The following NRAP variants were observed in gnomAD, a reference collection of about 807,000 sequenced individuals.
The protein encoded by NRAP is nebulin-related-anchoring protein.
NRAP carries 189 observed loss-of-function variants against 225.9 expected under a neutral mutation model. The observed-to-expected ratio is 0.84, with a 90% CI of 0.74 to 0.94. NRAP has a LOEUF of 0.94. Ranked by LOEUF, NRAP falls within the 40% of genes least tolerant of loss-of-function variation. The pLI, the probability that NRAP is intolerant of heterozygous loss-of-function variation, is 0.00. For missense variants in NRAP, 2,176 were observed against 2,168.7 expected (o/e 1.00, Z -0.07); for synonymous variants, 769 against 790.7 (o/e 0.97, Z 0.46).
intron 38 of NRAP, among the ~76,000 whole-genome samples, chr10:113,593,744 G>C (rs1323258734): frequency 1.3e-5 from 2 of 152,204 alleles, no homozygotes; most frequent in Non-Finnish European, 2.9e-5. Context: ...GTAGCAAATA[G>C]AGTCAAAACC....
At chr10:113,599,961 T>A (rs1411478801) in intron 35 of NRAP, among the ~76,000 whole-genome samples, 1 of 152,194 alleles carries the variant, frequency 6.6e-6, no homozygotes, top group African/African-American at 2.4e-5. Context: ...ATGCTCAAGC[T>A]GCAGCTTTCA....
intron 23 of NRAP, 71 bp downstream of exon 23, chr10:113,623,458 A>T: frequency 1.1e-6 from 1 of 934,542 alleles, no homozygotes; most frequent in Non-Finnish European, 1.7e-6. Context: ...CTGCCCAGAC[A>T]CTCAGAGAAT....
rs1441847438 is a variant in NRAP, at chr10:113,592,245, C to T, written c.4593G>A (p.Leu1531=). 4.3e-6 allele frequency: 7 copies of T among 1,612,658 alleles called. No homozygotes were observed. In the East Asian group the frequency reaches 6.7e-5, roughly 15 times the overall value. ...QTRAGSYDFR[L]DAIPFQTARA... is the part of the protein sequence containing the mutation. ...GGGCAGTCTGGAAGGGGATGGCATC[C>T]AGCCTGAAGTCATAACTGCCAGCCC... is the stretch of plus-strand genomic sequence containing the variant. Residue 1531 remains leucine, a synonymous_variant, in exon 39 of 42, where the codon CTG becomes CTA. Transcript: ENST00000359988.
intron 14 of NRAP, among the ~76,000 whole-genome samples, chr10:113,635,272 G>A (rs1325802832): frequency 6.6e-6 from 1 of 152,218 alleles, no homozygotes; most frequent in East Asian, 1.9e-4. Flanking sequence ...GTGAAGTAAA[G>A]GAACAGGTTT....
chr10:113,611,836 C>T (rs1051414294), intron 30 of NRAP, among the ~76,000 whole-genome samples: 1 of 152,186 alleles, frequency 6.6e-6, no homozygotes, highest in Non-Finnish European at 1.5e-5. Context: ...CAACCATGAA[C>T]CTTGAGGGCA....
chr10:113,616,860 C>T (rs1847693772), intron 26 of NRAP, among the ~76,000 whole-genome samples: 1 of 151,992 alleles, frequency 6.6e-6, no homozygotes, highest in African/African-American at 2.4e-5. Flanking sequence ...TGTTTTTTTT[C>T]AGCACCTCAT....
Position 113,589,084 on chromosome 10 carries a change from T to C in NRAP, c.5089-5A>G, listed in dbSNP as rs375706125. 1 of 1,612,986 alleles carries C rather than the reference T, an allele frequency of 6.2e-7. No individual in the cohort carries two copies. On this transcript the variant is annotated splice_polypyrimidine_tract_variant and splice_region_variant and intron_variant, in intron 41 of 41. Transcript: ENST00000359988. ...CTCCACTGCTTCTGCCCCCCGCTGC[T>C]GAAATCAAACATACCCCAAGTTAAA...
chr10:113,593,202 G>A (rs1846094476), intron 38 of NRAP, among the ~76,000 whole-genome samples: 1 of 152,196 alleles, frequency 6.6e-6, no homozygotes, highest in East Asian at 1.9e-4. Context: ...AGACCGTGTC[G>A]GTTGCTCACT....
At chr10:113,589,946 T>C (rs1430316110) in intron 40 of NRAP, 149 bp from the exon 41 acceptor site, 11 of 884,198 alleles carry the variant, frequency 1.2e-5, no homozygotes, top group Non-Finnish European at 1.7e-5. Context: ...AAATTTATCA[T>C]AAGCAGCATC....
Position 113,595,690 on chromosome 10 carries a change from C to T in NRAP, c.4469G>A (p.Arg1490Lys). Residue 1490 changes from arginine (R) to lysine (K), a missense_variant, in exon 38 of 42, where the codon AGA (arginine) becomes AAA (lysine). By Grantham distance (26) the Arg-to-Lys change is conservative (BLOSUM62 2). Transcript: ENST00000359988. ...YRSGDAESLH[R>K]YTLIPDHPDF... is the part of the protein sequence containing the mutation. ...GGGATGGTCGGGGATCAGGGTGTAT[C>T]TGTGCAGGGATTCTGCATCTCCAGA... 6.2e-7 allele frequency: 1 copy of T among 1,613,878 alleles called. No individual in the cohort carries two copies. The highest frequency in any genetic ancestry group is 8.5e-7 in the Non-Finnish European group (1 of 1,179,758).
chr10:113,597,372 CA>C lies in NRAP; in HGVS notation c.4333-189del, dbSNP rs113389465. Among the ~76,000 whole-genome samples the C allele has an allele frequency of 0.25, 38,681 of 151,942 alleles. 5,131 individuals carry two copies. Among genetic ancestry groups the C allele is most frequent in the East Asian group, 0.43 (2,202 of 5,146 alleles). On this transcript the variant is annotated intron_variant, in intron 36 of 41. Coordinates refer to ENST00000359988, the MANE Select transcript of NRAP (RefSeq NM_198060.4). ...ATTCAGCTGCTTCTGTGATATGGAA[CA>C]TTTTACAGGTATTTACTCTCTTGAA...
chr10:113,647,118 C>T, intron 9 of NRAP, 91 bp from the exon 10 acceptor site: 1 of 819,740 alleles, frequency 1.2e-6, no homozygotes, highest in Non-Finnish European at 2.2e-6. Flanking sequence ...CCTATTCTCA[C>T]AGAGGTTCAT....
intron 25 of NRAP, among the ~76,000 whole-genome samples, chr10:113,618,721 G>A (rs770037195): frequency 6.6e-6 from 1 of 152,190 alleles, no homozygotes; most frequent in Non-Finnish European, 1.5e-5. Flanking sequence ...TGAGGAGGGC[G>A]AATCACCTGA....
In NRAP at chr10:113,653,026, T is replaced by G. The variant is rs148679332; in HGVS notation, c.479A>C (p.Asp160Ala). The G allele has an allele frequency of 1.7e-4, 265 of 1,600,426 alleles. 1 individual carries two copies. The East Asian group carries it at 5.0e-3, about 30-fold the overall frequency. Residue 160 changes from aspartate (D) to alanine (A), a missense_variant, in exon 6 of 42, where the codon GAC becomes GCC. This residue lies in a region of NRAP where 1,708 missense variants were observed against 1,695.5 expected (regional missense o/e 1.01). Transcript: ENST00000359988. ...CCCCTTGCCCCTGGGTTGCTCATAG[T>G]CTTCTGTATATTCCTGTTGGTCAGA... ...RKSLGEEYTE[D>A]YEQPRGKGSF...
At chr10:113,660,100 T>TAC (rs1850571282) in intron 3 of NRAP, among the ~76,000 whole-genome samples, 4 of 149,996 alleles carry the variant, frequency 2.7e-5, no homozygotes, top group African/African-American at 9.8e-5. Flanking sequence ...TATACACATA[T>TAC]ATACATACAT....
chr10:113,659,073 T>C (rs1296475781), intron 3 of NRAP, among the ~76,000 whole-genome samples: 1 of 152,156 alleles, frequency 6.6e-6, no homozygotes, highest in Non-Finnish European at 1.5e-5. Flanking sequence ...TGCTACTTGA[T>C]GCATATATTT....
At chr10:113,633,617 C>T (rs537310204) in intron 15 of NRAP, among the ~76,000 whole-genome samples, 29 of 152,218 alleles carry the variant, frequency 1.9e-4, no homozygotes, top group East Asian at 1.2e-3. Flanking sequence ...TGGATGAATA[C>T]GGCATCATCC....
intron 32 of NRAP, 78 bp from the exon 33 acceptor site, chr10:113,606,360 G>C (rs74763991): frequency 3.6e-6 from 3 of 843,214 alleles, no homozygotes; most frequent in Non-Finnish European, 5.8e-6. Context: ...GTCCCTCAAC[G>C]ATAGTTGAGG....
chr10:113,631,861 C>T lies in NRAP; in HGVS notation c.1736G>A (p.Ser579Asn). The part of the protein sequence containing the change: ...LAAKASGELA[S>N]NIKYKEEYEK... ...AGTTAATGAGAGGAAACGTACATTG[C>T]TAGCAAGCTCCCCAGAGGCTTTGGC... Residue 579 changes from serine to asparagine, a missense_variant, in exon 17 of 42, where the codon AGC becomes AAC. Physicochemically the swap from Ser to Asn is conservative, Grantham distance 46. Around this residue, in one of 3 missense-constraint regions of NRAP, gnomAD observed 1,708 missense variants for 1,695.5 expected, o/e 1.01. Coordinates refer to ENST00000359988, the MANE Select transcript of NRAP (RefSeq NM_198060.4). The T allele has an allele frequency of 6.2e-7, 1 of 1,601,524 alleles. No homozygotes were observed. Among genetic ancestry groups the T allele is most frequent in the South Asian group, 1.1e-5 (1 of 90,782 alleles).
Sources: gnomAD v4.1 joint callset for allele counts (sites outside exome capture counted in the v4.1 genomes callset) on GRCh38, gnomAD v4.1.1 for gene constraint, gnomAD v4.1.1 regional missense constraint, MANE v1.5 for transcripts, NCBI Gene and HGNC (gene_info 2026-07-23, HGNC 2026-07-21) for gene names.